The following ARHGAP18 variants were observed in gnomAD, a reference collection of about 807,000 sequenced individuals.
ARHGAP18 encodes Rho GTPase activating protein 18.
In ARHGAP18, 67 loss-of-function variants were observed where a neutral mutation model predicts 86.2. The ratio of observed to expected loss-of-function variants is 0.78; its 90% CI spans 0.64 to 0.95. ARHGAP18 has a LOEUF of 0.95. ARHGAP18 is among the 40% of genes least tolerant of loss of function. ARHGAP18 has a pLI of 0.00. For missense variants in ARHGAP18, 691 were observed against 780.4 expected (o/e 0.89, Z 1.37); for synonymous variants, 283 against 280.4 (o/e 1.01, Z -0.09).
intron 5 of ARHGAP18, among the ~76,000 whole-genome samples, chr6:129,627,040 G>T (rs1474014787): frequency 6.6e-6 from 1 of 152,014 alleles, no homozygotes; most frequent in Admixed American, 6.6e-5. Flanking sequence ...GTCTAGGTCT[G>T]GAACAGAAAA....
At position 129,629,355 on chromosome 6, in the gene ARHGAP18, G is replaced by T. The variant is rs756017180; in HGVS notation, c.784C>A (p.Pro262Thr). 15 of 1,613,184 alleles carry T rather than the reference G, an allele frequency of 9.3e-6. No individual in the cohort carries two copies. Among genetic ancestry groups the T allele is most frequent in the Non-Finnish European group, 1.3e-5 (15 of 1,179,756 alleles). The change falls in exon 5 of 15, where the codon CCT becomes ACT. Residue 262 changes from proline (P) to threonine (T), a missense_variant and splice_region_variant. Pro to Thr is a conservative substitution (Grantham distance 38). Transcript: ENST00000368149. Reference protein sequence around the residue: ...QKSKGDDATLPSFRLPKDKTG... With the variant: ...QKSKGDDATLTSFRLPKDKTG... ...TTTATAAAGAGTGTACTACGTACAG[G>T]TAATGTGGCATCATCGCCTTTGCTC...
intron 1 of ARHGAP18, among the ~76,000 whole-genome samples, chr6:129,693,212 A>G (rs1774557241): frequency 6.6e-6 from 1 of 152,196 alleles, no homozygotes; most frequent in South Asian, 2.1e-4. Context: ...GAAACAATCT[A>G]GATTGTTGGG....
intron 1 of ARHGAP18, among the ~76,000 whole-genome samples, chr6:129,704,528 C>T (rs557510934): frequency 5.3e-5 from 8 of 152,202 alleles, no homozygotes; most frequent in East Asian, 1.9e-4. Context: ...TCTGCAAGTC[C>T]TCCCTATCTA....
intron 1 of ARHGAP18, among the ~76,000 whole-genome samples, chr6:129,646,104 G>C (rs1773572786): frequency 1.3e-5 from 2 of 152,178 alleles, no homozygotes; most frequent in African/African-American, 4.8e-5. Context: ...TCAGCTAGAA[G>C]ATTGATGATT....
chr6:129,589,914 C>T (rs1038614927), intron 12 of ARHGAP18, among the ~76,000 whole-genome samples: 1 of 152,148 alleles, frequency 6.6e-6, no homozygotes, highest in Non-Finnish European at 1.5e-5. Context: ...GTCAGACAGC[C>T]CCTGGTAAAC....
At chr6:129,646,793 TGA>T (rs888686593) in intron 1 of ARHGAP18, among the ~76,000 whole-genome samples, 1 of 152,024 alleles carries the variant, frequency 6.6e-6, no homozygotes. Context: ...CATGAGAGAG[TGA>T]GAGTGAAAGA....
chr6:129,698,421 A>C (rs2114553065), intron 1 of ARHGAP18, among the ~76,000 whole-genome samples: 1 of 152,292 alleles, frequency 6.6e-6, no homozygotes, highest in East Asian at 1.9e-4. Context: ...TAGCATTCAG[A>C]AATAAGCCAG....
chr6:129,664,333 G>A (rs189256398), intron 1 of ARHGAP18, among the ~76,000 whole-genome samples: 2 of 152,102 alleles, frequency 1.3e-5, no homozygotes, highest in Admixed American at 1.3e-4. Flanking sequence ...GTATTACTTT[G>A]ATCAAGTCAC....
intron 12 of ARHGAP18, among the ~76,000 whole-genome samples, chr6:129,595,498 G>C (rs1485296446): frequency 6.6e-6 from 1 of 152,120 alleles, no homozygotes; most frequent in East Asian, 1.9e-4. Flanking sequence ...TGGCTTTCAG[G>C]ACTTTGCCAC....
chr6:129,655,254 G>T (rs1244950974), intron 1 of ARHGAP18, among the ~76,000 whole-genome samples: 1 of 149,438 alleles, frequency 6.7e-6, no homozygotes, highest in East Asian at 2.0e-4. Flanking sequence ...GGGAGATGGA[G>T]GTTGCGGTGA....
At chr6:129,580,244 A>C (rs1020010013) in intron 13 of ARHGAP18, 113 bp from the exon 14 acceptor site, 3 of 850,702 alleles carry the variant, frequency 3.5e-6, no homozygotes, top group South Asian at 3.1e-5. Context: ...ACTTAGACAC[A>C]CTGTAATTAT....
chr6:129,701,368 G>C (rs1170823300), intron 1 of ARHGAP18, among the ~76,000 whole-genome samples: 2 of 152,200 alleles, frequency 1.3e-5, no homozygotes, highest in African/African-American at 4.8e-5. Flanking sequence ...ACTACCCACA[G>C]ACCCTGCTTT....
At chr6:129,672,097 GCA>G (rs367772541) in intron 1 of ARHGAP18, among the ~76,000 whole-genome samples, 1 of 151,810 alleles carries the variant, frequency 6.6e-6, no homozygotes, top group Admixed American at 6.6e-5. Flanking sequence ...ACGTACACGC[GCA>G]CACACACACG....
rs748186089 is a variant in ARHGAP18 at position 129,618,867 on chromosome 6, A to G, written c.787-15T>C. The stretch of plus-strand genomic sequence containing the variant: ...AATCTGAAACTCTAAAATAAACATC[A>G]TTAATATAGTAAAAGCTTACAGTAC... On this transcript the variant is annotated splice_polypyrimidine_tract_variant and intron_variant, in intron 5 of 14. Coordinates refer to ENST00000368149, the MANE Select transcript of ARHGAP18 (RefSeq NM_033515.3). 3.7e-6 allele frequency: 6 copies of G among 1,607,598 alleles called. No homozygotes were observed. In the South Asian group the frequency reaches 6.7e-5, roughly 18 times the overall value.
chr6:129,607,375 A>T (rs1237890530), intron 9 of ARHGAP18, among the ~76,000 whole-genome samples: 3 of 152,202 alleles, frequency 2.0e-5, no homozygotes, highest in African/African-American at 7.2e-5. Context: ...GGCAGTACAT[A>T]AGAAGCAGCT....
intron 1 of ARHGAP18, among the ~76,000 whole-genome samples, chr6:129,683,113 C>T (rs1774354303): frequency 6.6e-6 from 1 of 150,952 alleles, no homozygotes; most frequent in Non-Finnish European, 1.5e-5. Context: ...GCTGTGTCAC[C>T]CAGGCTGGAC....
chr6:129,610,233 T>C (rs1451990663), intron 8 of ARHGAP18, among the ~76,000 whole-genome samples: 1 of 152,148 alleles, frequency 6.6e-6, no homozygotes, highest in African/African-American at 2.4e-5. Flanking sequence ...CAAGTATGAG[T>C]CCCCTTTACA....
intron 5 of ARHGAP18, among the ~76,000 whole-genome samples, chr6:129,629,001 A>G (rs1773112109): frequency 6.6e-6 from 1 of 152,172 alleles, no homozygotes; most frequent in Non-Finnish European, 1.5e-5. Context: ...TAACTGTTGA[A>G]TTGATCTATG....
At chr6:129,625,171 T>C (rs1332790388) in intron 5 of ARHGAP18, among the ~76,000 whole-genome samples, 1 of 59,844 alleles carries the variant, frequency 1.7e-5, no homozygotes, top group Non-Finnish European at 3.3e-5. Flanking sequence ...ATATTATATA[T>C]GATATATTAT....
Sources: allele counts gnomAD v4.1 joint callset (sites outside exome capture counted in the v4.1 genomes callset), GRCh38; gene constraint gnomAD v4.1.1; transcripts MANE v1.5; gene names NCBI Gene and HGNC (gene_info 2026-07-23, HGNC 2026-07-21).